Variants in WDR27 observed in about 807,000 individuals in gnomAD.
WDR27 encodes WD repeat domain 27, also known as WD repeat-containing protein 27.
A neutral mutation model predicts 114.4 loss-of-function variants in WDR27; 100 were observed. That is an observed-to-expected ratio of 0.87 (90% CI 0.74 to 1.03). The LOEUF (loss-of-function observed/expected upper bound fraction) is 1.03. Ranked by LOEUF, WDR27 falls within the 50% of genes least tolerant of loss-of-function variation. The pLI, the probability that WDR27 is intolerant of heterozygous loss-of-function variation, is 0.00. For synonymous variants in WDR27, 449 were observed against 423.1 expected (o/e 1.06, Z -0.75); for missense variants, 1,129 against 1,092.9 (o/e 1.03, Z -0.47).
chr6:169,699,300 C>A (rs1260784121), intron 1 of WDR27, among the ~76,000 whole-genome samples: 1 of 152,098 alleles, frequency 6.6e-6, no homozygotes, highest in Non-Finnish European at 1.5e-5. Flanking sequence ...CAGGTCTTGG[C>A]CCTTCAGCAA....
At chr6:169,680,535 T>G (rs6926819) in intron 2 of WDR27, among the ~76,000 whole-genome samples, 15,959 of 152,144 alleles carry the variant, frequency 0.1, 895 homozygotes, top group African/African-American at 0.12. Flanking sequence ...TGAGCCAAGA[T>G]TGCGCCACTG....
At chr6:169,429,619 CCTTT>C in the WDR27 span, among the ~76,000 whole-genome samples, 1 of 152,168 alleles carries the variant, frequency 6.6e-6, no homozygotes, top group Admixed American at 6.5e-5. Flanking sequence ...ATCCTGGCCT[CCTTT>C]CTTTCTTATC....
At chr6:169,640,374 C>T (rs1290983049) in intron 17 of WDR27, among the ~76,000 whole-genome samples, 2 of 152,254 alleles carry the variant, frequency 1.3e-5, no homozygotes, top group Non-Finnish European at 2.9e-5. Flanking sequence ...CTCAGTTCTG[C>T]AACAGGACGC....
chr6:169,628,975 G>A (rs1815601330), intron 21 of WDR27, among the ~76,000 whole-genome samples: 1 of 152,124 alleles, frequency 6.6e-6, no homozygotes, highest in Non-Finnish European at 1.5e-5. Flanking sequence ...TCACTTAATG[G>A]ACTTAGCACA....
the WDR27 span, among the ~76,000 whole-genome samples, chr6:169,439,789 C>T: frequency 2.0e-5 from 3 of 151,054 alleles, no homozygotes; most frequent in Non-Finnish European, 4.4e-5. Context: ...AACTTGAAAA[C>T]TATTCATGAG....
intron 25 of WDR27, among the ~76,000 whole-genome samples, chr6:169,512,090 T>A (rs1387272781): frequency 1.3e-5 from 2 of 152,186 alleles, no homozygotes; most frequent in African/African-American, 4.8e-5. Context: ...TAAATTATTA[T>A]AAATTATTTC....
At chr6:169,668,266 C>CT in intron 4 of WDR27, 81 bp from the exon 5 acceptor site, 1 of 1,443,574 alleles carries the variant, frequency 6.9e-7, no homozygotes, top group Non-Finnish European at 9.6e-7. Flanking sequence ...AGTCAGGTGT[C>CT]TGAGCTAAGA....
intron 17 of WDR27, among the ~76,000 whole-genome samples, chr6:169,642,774 CTG>C (rs1320598326): frequency 1.3e-5 from 2 of 152,230 alleles, no homozygotes; most frequent in Admixed American, 6.5e-5. Context: ...CTGCTTCCCA[CTG>C]TCTCTGTCCC....
chr6:169,578,988 G>A (rs1802917043), intron 24 of WDR27, among the ~76,000 whole-genome samples: 1 of 152,088 alleles, frequency 6.6e-6, no homozygotes, highest in Non-Finnish European at 1.5e-5. Flanking sequence ...TAGGTACACG[G>A]CAGCAGCCAG....
chr6:169,662,227 G>GA (rs1826345150), intron 9 of WDR27, 77 bp downstream of exon 9: 2 of 1,524,922 alleles, frequency 1.3e-6, no homozygotes, highest in African/African-American at 2.8e-5. Context: ...GTCATTCTTA[G>GA]AAAATGAACC....
chr6:169,672,236 G>A lies in WDR27; in HGVS notation c.331+19C>T, dbSNP rs1211657638. On this transcript the variant is annotated intron_variant, in intron 3 of 25. Transcript: ENST00000448612. ...TCCTTTTGCAGGTTTTTAAAAACATGTTTTAGATTTTCATTTACCTTGAAG... is the reference window on the plus strand; with the variant it reads ...TCCTTTTGCAGGTTTTTAAAAACATATTTTAGATTTTCATTTACCTTGAAG... The A allele has an allele frequency of 1.9e-6, 3 of 1,610,180 alleles. No homozygotes were observed. The highest frequency in any genetic ancestry group is 1.3e-5 in the African/African-American group (1 of 74,784).
intron 14 of WDR27, among the ~76,000 whole-genome samples, chr6:169,650,061 A>C (rs1397490589): frequency 7.9e-3 from 442 of 56,268 alleles, no homozygotes; most frequent in Middle Eastern, 0.014. Flanking sequence ...TCCCTCCATC[A>C]CCTCCATCTA....
intron 25 of WDR27, among the ~76,000 whole-genome samples, chr6:169,567,336 G>A (rs182516965): frequency 1.4e-4 from 22 of 152,314 alleles, no homozygotes; most frequent in East Asian, 3.9e-4. Context: ...GACGGTCTGC[G>A]TGGCAGAACA....
intron 21 of WDR27, among the ~76,000 whole-genome samples, chr6:169,626,854 G>T (rs73790071): frequency 6.6e-6 from 1 of 152,196 alleles, no homozygotes; most frequent in Non-Finnish European, 1.5e-5. Flanking sequence ...GTCTCCCGGC[G>T]GACTGGGCAT....
At chr6:169,472,481 C>T (rs1786556314) in intron 25 of WDR27, among the ~76,000 whole-genome samples, 1 of 152,130 alleles carries the variant, frequency 6.6e-6, no homozygotes, top group South Asian at 2.1e-4. Context: ...CTCTTTACCT[C>T]AGTTTAGGAC....
chr6:169,646,195 G>A (rs1280749196), intron 16 of WDR27, among the ~76,000 whole-genome samples: 1 of 152,184 alleles, frequency 6.6e-6, no homozygotes, highest in Non-Finnish European at 1.5e-5. Context: ...CCAACACCTT[G>A]TAAGGCGCTG....
the WDR27 span, among the ~76,000 whole-genome samples, chr6:169,442,212 T>A: frequency 6.6e-6 from 1 of 152,238 alleles, no homozygotes; most frequent in African/African-American, 2.4e-5. Context: ...TTTTCCTCCC[T>A]TCTTAATGGT....
intron 25 of WDR27, among the ~76,000 whole-genome samples, chr6:169,526,904 G>C (rs796302909): frequency 1.3e-5 from 2 of 152,124 alleles, no homozygotes; most frequent in African/African-American, 4.8e-5. Flanking sequence ...CACATGAAAA[G>C]ATATTCAACA....
At chr6:169,666,476 G>C (rs935039664) in intron 6 of WDR27, 1 of 985,354 alleles carries the variant, frequency 1.0e-6, no homozygotes, top group Non-Finnish European at 1.2e-6. Flanking sequence ...AAGACAGAAC[G>C]TGCACAAGGG....
Sources: allele counts gnomAD v4.1 joint callset (sites outside exome capture counted in the v4.1 genomes callset), GRCh38; gene constraint gnomAD v4.1.1; transcripts MANE v1.5; gene names NCBI Gene and HGNC (gene_info 2026-07-23, HGNC 2026-07-21).